Variants in ENTPD5 observed in about 807,000 individuals in gnomAD.
ENTPD5 encodes the protein nucleoside diphosphate phosphatase ENTPD5.
A neutral mutation model predicts 60.2 loss-of-function variants in ENTPD5; 49 were observed. The ratio of observed to expected loss-of-function variants is 0.81; its 90% CI spans 0.65 to 1.03. ENTPD5 has a LOEUF of 1.03. Ranked by LOEUF, ENTPD5 falls within the 50% of genes least tolerant of loss-of-function variation. The pLI is 0.00. For synonymous variants in ENTPD5, 187 were observed against 185.4 expected (o/e 1.01, Z -0.07); for missense variants, 480 against 507.6 (o/e 0.95, Z 0.52).
chr14:74,001,769 G>C (rs541063110), intron 3 of ENTPD5, among the ~76,000 whole-genome samples: 4 of 150,294 alleles, frequency 2.7e-5, no homozygotes, highest in Admixed American at 1.3e-4. Context: ...GATCATTTGA[G>C]CCTGAGAAGT....
At chr14:73,980,872 C>T (rs2057659113) in intron 6 of ENTPD5, among the ~76,000 whole-genome samples, 2 of 152,040 alleles carry the variant, frequency 1.3e-5, no homozygotes, top group African/African-American at 4.8e-5. Context: ...CTGAGGCGGG[C>T]AGATCACCTT....
At chr14:73,971,603 A>C (rs771576990) in intron 14 of ENTPD5, among the ~76,000 whole-genome samples, 1 of 152,204 alleles carries the variant, frequency 6.6e-6, no homozygotes, top group African/African-American at 2.4e-5. Flanking sequence ...ATTATAGTGC[A>C]CTATAACCTT....
chr14:73,996,173 C>T, intron 3 of ENTPD5: 4 of 985,340 alleles, frequency 4.1e-6, no homozygotes, highest in Non-Finnish European at 4.8e-6. Flanking sequence ...CTCTTTGCTC[C>T]TGTTTCAGCT....
chr14:74,003,392 C>A, intron 3 of ENTPD5: 1 of 715,780 alleles, frequency 1.4e-6, no homozygotes, highest in Non-Finnish European at 2.4e-6. Context: ...GAAACCTCTG[C>A]ATCATGAGAG....
chr14:73,993,683 C>T (rs903046381), intron 3 of ENTPD5, among the ~76,000 whole-genome samples: 1 of 152,160 alleles, frequency 6.6e-6, no homozygotes, highest in African/African-American at 2.4e-5. Flanking sequence ...CTTGCTTTGT[C>T]CAACTCTGGG....
At chr14:73,990,613 G>A (rs1013958199) in intron 3 of ENTPD5, among the ~76,000 whole-genome samples, 1 of 151,938 alleles carries the variant, frequency 6.6e-6, no homozygotes, top group East Asian at 1.9e-4. Context: ...CCAGGCATGA[G>A]CCACTTCACC....
At chr14:73,970,883 T>C (rs2057193328) in intron 14 of ENTPD5, among the ~76,000 whole-genome samples, 1 of 151,986 alleles carries the variant, frequency 6.6e-6, no homozygotes, top group Admixed American at 6.6e-5. Flanking sequence ...TGGAGTGCAG[T>C]GGCATGATCA....
chr14:73,980,411 G>A (rs774021395), intron 6 of ENTPD5, among the ~76,000 whole-genome samples: 2 of 145,042 alleles, frequency 1.4e-5, no homozygotes, highest in African/African-American at 2.6e-5. Context: ...CAACAGGCGT[G>A]AGCCACCATG....
chr14:73,963,275 T>C lies in ENTPD5; in HGVS notation c.*3653A>G, dbSNP rs573599968. The C allele has an allele frequency of 7.6e-6, 4 of 523,638 alleles. No individual in the cohort carries two copies. Among genetic ancestry groups the C allele is most frequent in the African/African-American group, 1.9e-5 (1 of 52,162 alleles). The allele number at this position is 523,638 out of a possible 1,614,324, so 32.4% of individuals were successfully genotyped here. ...TATTACTAAAAAACCCACAAGGTGC[T>C]GTCTCACTCATTTCCAGTTAATCAT... On this transcript the variant is annotated 3_prime_UTR_variant, in exon 16 of 16. Transcript: ENST00000334696.
chr14:73,974,026 G>C (rs201497733), intron 11 of ENTPD5, 48 bp from the exon 12 acceptor site: 3 of 1,529,176 alleles, frequency 2.0e-6, no homozygotes, highest in Non-Finnish European at 9.1e-7. Flanking sequence ...GTGAGAGAGA[G>C]GGAGGAAGGC....
intron 3 of ENTPD5, among the ~76,000 whole-genome samples, chr14:74,001,979 T>C (rs1456226538): frequency 7.9e-5 from 12 of 152,104 alleles, no homozygotes; most frequent in South Asian, 4.1e-4. Flanking sequence ...AGGATAAAGA[T>C]TGTGGTCAAA....
intron 3 of ENTPD5, among the ~76,000 whole-genome samples, chr14:73,999,916 C>T (rs2058455092): frequency 6.6e-6 from 1 of 151,610 alleles, no homozygotes; most frequent in Non-Finnish European, 1.5e-5. Context: ...GATGAAACCC[C>T]ATCTCTACCA....
At chr14:73,962,739 C>G, downstream of ENTPD5, 2 of 550,378 alleles carry the variant, frequency 3.6e-6, no homozygotes, top group Non-Finnish European at 6.5e-6. Flanking sequence ...ATTGCTTGAG[C>G]CTAGGAGTTT....
chr14:74,004,111 T>C (rs1170869443), intron 3 of ENTPD5, among the ~76,000 whole-genome samples: 2 of 152,070 alleles, frequency 1.3e-5, no homozygotes, highest in Non-Finnish European at 2.9e-5. Flanking sequence ...TCTCAAAAAA[T>C]AAATTAATTA....
chr14:73,999,058 C>G (rs1027490948), intron 3 of ENTPD5, among the ~76,000 whole-genome samples: 3 of 152,136 alleles, frequency 2.0e-5, no homozygotes, highest in Non-Finnish European at 4.4e-5. Flanking sequence ...TCTACTAATG[C>G]TTACTGATGC....
At chr14:73,995,171 C>A (rs1176188055) in intron 3 of ENTPD5, among the ~76,000 whole-genome samples, 1 of 151,772 alleles carries the variant, frequency 6.6e-6, no homozygotes, top group Non-Finnish European at 1.5e-5. Flanking sequence ...GCCTCAGCCT[C>A]CCAAGCAGCC....
rs114037878 is a variant in ENTPD5 at position 73,970,842 on chromosome 14, T to C, written c.1085-717A>G. Among the ~76,000 whole-genome samples, 892 of 152,194 alleles carry C rather than the reference T, an allele frequency of 5.9e-3. 10 individuals carry two copies. Among genetic ancestry groups the C allele is most frequent in the African/African-American group, 0.02 (845 of 41,532 alleles). ...AAAACTTTTTATTAATTTTTTTTTT[T>C]AGAGACAAGGTCTCATGCTGTCACC... On this transcript the variant is annotated intron_variant, in intron 14 of 15. Transcript: ENST00000334696.
At chr14:73,989,996 G>C (rs974435546) in intron 3 of ENTPD5, among the ~76,000 whole-genome samples, 1 of 151,906 alleles carries the variant, frequency 6.6e-6, no homozygotes, top group Non-Finnish European at 1.5e-5. Flanking sequence ...AACAGAGCAA[G>C]ACTTCGTCTC....
rs184592411 is a variant in ENTPD5 at position 73,969,475 on chromosome 14, T to G, written c.1200+535A>C. Among the ~76,000 whole-genome samples, 63 of 152,244 alleles carry G rather than the reference T, an allele frequency of 4.1e-4. 2 individuals carry two copies. The highest frequency in any genetic ancestry group is 3.7e-3 in the Admixed American group (56 of 15,284). ...GGGAGTTCGAGGTGGGCGGATCACC[T>G]GAGGTCAGGAGTTCTCAGGAGTTCG... On this transcript the variant is annotated intron_variant, in intron 15 of 15. Transcript: ENST00000334696.
Sources: allele counts gnomAD v4.1 joint callset (sites outside exome capture counted in the v4.1 genomes callset), GRCh38; gene constraint gnomAD v4.1.1; transcripts MANE v1.5; gene names NCBI Gene and HGNC (gene_info 2026-07-23, HGNC 2026-07-21).